NR1D2: variants seen among roughly 807,000 people sequenced by gnomAD.
NR1D2 encodes the protein V-erbA-related protein 1-related.
A neutral mutation model predicts 52.2 loss-of-function variants in NR1D2; 25 were observed. The observed-to-expected ratio is 0.48, with a 90% CI of 0.35 to 0.67. NR1D2 has a LOEUF of 0.67. Among genes scored for constraint, NR1D2 ranks in the 30% least tolerant of loss-of-function variants. NR1D2 has a pLI of 0.01. For synonymous variants in NR1D2, 259 were observed against 230.1 expected (o/e 1.13, Z -1.14); for missense variants, 681 against 707.2 (o/e 0.96, Z 0.42).
At chr3:23,965,806 C>T (rs1035670558) in intron 6 of NR1D2, among the ~76,000 whole-genome samples, 4 of 152,146 alleles carry the variant, frequency 2.6e-5, no homozygotes, top group African/African-American at 4.8e-5. Context: ...TTAGACACCT[C>T]CTGAAAGCCT....
At chr3:23,953,370 AATG>A (rs1559330562) in intron 1 of NR1D2, among the ~76,000 whole-genome samples, 4 of 146,334 alleles carry the variant, frequency 2.7e-5, no homozygotes, top group African/African-American at 7.6e-5. Context: ...AAAAAAAAAA[AATG>A]CCAGTTTTCA....
At chr3:23,949,070 AATAAG>A (rs1705856467) in intron 1 of NR1D2, among the ~76,000 whole-genome samples, 1 of 152,174 alleles carries the variant, frequency 6.6e-6, no homozygotes, top group Non-Finnish European at 1.5e-5. Flanking sequence ...TATTTTATAA[AATAAG>A]ACCGATTTGG....
intron 1 of NR1D2, among the ~76,000 whole-genome samples, chr3:23,951,468 G>A (rs1479529846): frequency 1.6e-4 from 24 of 152,210 alleles, no homozygotes; most frequent in Admixed American, 1.5e-3. Context: ...ATTGTGAGTG[G>A]AGACATCTGT....
At chr3:23,969,482 C>G (rs1436932024) in intron 7 of NR1D2, among the ~76,000 whole-genome samples, 1 of 152,110 alleles carries the variant, frequency 6.6e-6, no homozygotes, top group East Asian at 1.9e-4. Flanking sequence ...TAAGGGATAT[C>G]TGTTTTATAG....
chr3:23,962,827 A>G (rs918543117), intron 5 of NR1D2, among the ~76,000 whole-genome samples: 1 of 152,134 alleles, frequency 6.6e-6, no homozygotes, highest in African/African-American at 2.4e-5. Context: ...GATTTGATTG[A>G]TCTGAGATTG....
rs1363222282 is a variant in NR1D2, at chr3:23,956,134, T to C, written c.372+9T>C. ...CTTGCGAAGGCTGTAAGGTAAAGCA[T>C]GCTTTTGTTTCTTTAAGCTACTGAT... On this transcript the variant is annotated intron_variant, in intron 3 of 7. Transcript: ENST00000312521. The C allele has an allele frequency of 1.2e-6, 2 of 1,607,724 alleles. No individual in the cohort carries two copies. The highest frequency in any genetic ancestry group is 1.1e-5 in the South Asian group (1 of 90,958).
Position 23,954,676 on chromosome 3 carries a change from T to C in NR1D2, c.156T>C (p.Asn52=). Residue 52 remains asparagine, a synonymous_variant, in exon 2 of 8, where the codon AAT becomes AAC. Transcript: ENST00000312521. The part of the protein sequence containing the change: ...SSPNSSNSDT[N]GNPKNGDLAN... Reference sequence around the variant, plus strand: ...CAAATAGCTCTAATTCTGATACCAATGGTAATCCCAAGAATGGTGATCTCG... The same window carrying C: ...CAAATAGCTCTAATTCTGATACCAACGGTAATCCCAAGAATGGTGATCTCG... The C allele has an allele frequency of 1.2e-6, 2 of 1,614,164 alleles. No homozygotes were observed. The highest frequency in any genetic ancestry group is 1.7e-6 in the Non-Finnish European group (2 of 1,180,012).
Position 23,979,358 on chromosome 3 carries a change from C to G in NR1D2, c.*1939C>G, listed in dbSNP as rs984427287. ...TTTTTTTTCCTAAGATAAACAAATGCATAGTTTTCTTCTATGGGTGATAGA... is the reference window on the plus strand; with the variant it reads ...TTTTTTTTCCTAAGATAAACAAATGGATAGTTTTCTTCTATGGGTGATAGA... On this transcript the variant is annotated 3_prime_UTR_variant, in exon 8 of 8. Coordinates refer to ENST00000312521, the MANE Select transcript of NR1D2 (RefSeq NM_005126.5). 3.3e-5 allele frequency: 5 copies of G among 151,948 alleles called. No individual in the cohort carries two copies. The highest frequency in any genetic ancestry group is 4.4e-5 in the Non-Finnish European group (3 of 67,900). 9.4% of individuals were successfully genotyped at this position (151,948 alleles called of 1,614,324 possible). A position where few individuals can be genotyped will look rare whatever the true frequency, so the allele number is the denominator to read the frequency against.
In NR1D2 at chr3:23,947,681, T is replaced by C. The variant is rs112215776; in HGVS notation, c.16+2087T>C. On this transcript the variant is annotated intron_variant, in intron 1 of 7. Transcript: ENST00000312521. ...TTCATTCATTGTGCAGATAATTGCA[T>C]GACTTGAAGTGTAGGAATTTACAAT... 2.4e-3 allele frequency among the ~76,000 whole-genome samples: 361 copies of C among 152,370 alleles called. 1 individual carries two copies. Among genetic ancestry groups the C allele is most frequent in the African/African-American group, 8.0e-3 (334 of 41,596 alleles).
intron 3 of NR1D2, 143 bp downstream of exon 3, chr3:23,956,268 G>A (rs1287590431): frequency 5.1e-6 from 3 of 592,818 alleles, no homozygotes; most frequent in African/African-American, 3.7e-5. Context: ...TTTATGTAGT[G>A]TATAAGCATA....
intron 3 of NR1D2, among the ~76,000 whole-genome samples, chr3:23,956,800 C>T (rs1266591133): frequency 1.3e-5 from 2 of 152,180 alleles, no homozygotes; most frequent in Non-Finnish European, 2.9e-5. Context: ...AAAAACTTGG[C>T]ACAATCTTTT....
intron 1 of NR1D2, among the ~76,000 whole-genome samples, chr3:23,952,247 A>G (rs1705952462): frequency 6.6e-6 from 1 of 152,220 alleles, no homozygotes. Context: ...GCACATAGCA[A>G]GAGAGCATAT....
chr3:23,974,880 A>G (rs1352220052), intron 7 of NR1D2, among the ~76,000 whole-genome samples: 1 of 149,698 alleles, frequency 6.7e-6, no homozygotes, highest in African/African-American at 2.5e-5. Context: ...GTGCAGGGGC[A>G]TGATCTCGAC....
At chr3:23,968,383 A>T (rs1396816422) in intron 7 of NR1D2, among the ~76,000 whole-genome samples, 3 of 152,252 alleles carry the variant, frequency 2.0e-5, no homozygotes, top group African/African-American at 7.2e-5. Context: ...ATTCAAATAC[A>T]ATGTGGGTTA....
intron 7 of NR1D2, among the ~76,000 whole-genome samples, chr3:23,975,258 C>T (rs1209426111): frequency 1.3e-5 from 2 of 151,852 alleles, no homozygotes; most frequent in African/African-American, 4.8e-5. Flanking sequence ...GCTGGGACTA[C>T]TGGCATGTGT....
chr3:23,945,582 G>C lies in NR1D2; in HGVS notation c.4G>C (p.Glu2Gln). ...CGGCCGCCTCCGCGAGGGCACCATG[G>C]AGGTGAATGCAGGTAAGAACCGGAC... M[E>Q]VNAGGVIAYI... The change falls in exon 1 of 8, where the codon GAG becomes CAG. Residue 2 changes from glutamate to glutamine, a missense_variant. This residue lies in a region of NR1D2 where 94 missense variants were observed against 90.4 expected (regional missense o/e 1.04). Transcript: ENST00000312521. 5.1e-6 allele frequency: 6 copies of C among 1,173,714 alleles called. No individual in the cohort carries two copies. The highest frequency in any genetic ancestry group is 6.4e-6 in the Non-Finnish European group (6 of 943,204). 72.7% of individuals were successfully genotyped at this position (1,173,714 alleles called of 1,614,324 possible).
chr3:23,974,400 T>C (rs1317578042), intron 7 of NR1D2, among the ~76,000 whole-genome samples: 1 of 152,160 alleles, frequency 6.6e-6, no homozygotes, highest in African/African-American at 2.4e-5. Context: ...CACTGGGCGA[T>C]AGGAATTTTT....
rs191338815 is a variant in NR1D2, at chr3:23,957,823, A to G, written c.372+1698A>G. On this transcript the variant is annotated intron_variant, in intron 3 of 7. Coordinates refer to ENST00000312521, the MANE Select transcript of NR1D2 (RefSeq NM_005126.5). ...TGAATGAGCTGATTGCATATTCTTG[A>G]TAAATACACATCTGTGCAGTACTCT... Among the ~76,000 whole-genome samples the G allele has an allele frequency of 1.1e-3, 175 of 152,314 alleles. 1 individual carries two copies. The highest frequency in any genetic ancestry group is 3.3e-3 in the Admixed American group (50 of 15,294).
chr3:23,980,500 G>A lies in NR1D2; in HGVS notation c.*3081G>A, dbSNP rs1311746774. On this transcript the variant is annotated 3_prime_UTR_variant, in exon 8 of 8. Transcript: ENST00000312521. ...AATGATAGAAATACATTGTTGATGG[G>A]ATATGAGTTAAGTTTATTTTCTACA... The A allele has an allele frequency of 6.6e-6, 1 of 151,992 alleles. No individual in the cohort carries two copies. Among genetic ancestry groups the A allele is most frequent in the Non-Finnish European group, 1.5e-5 (1 of 67,978 alleles). 9.4% of individuals were successfully genotyped at this position (151,992 alleles called of 1,614,324 possible).
Sources: allele counts gnomAD v4.1 joint callset (sites outside exome capture counted in the v4.1 genomes callset), GRCh38; gene constraint gnomAD v4.1.1; regional missense constraint gnomAD v4.1.1; transcripts MANE v1.5; gene names NCBI Gene and HGNC (gene_info 2026-07-23, HGNC 2026-07-21).